The following HTR2C variants were observed in gnomAD, a reference collection of about 807,000 sequenced individuals.
The protein encoded by HTR2C is 5-hydroxytryptamine receptor 2C.
In HTR2C, 5 loss-of-function variants were observed where a neutral mutation model predicts 21.0. That is an observed-to-expected ratio of 0.24 (90% CI 0.12 to 0.50). The LOEUF (loss-of-function observed/expected upper bound fraction) is 0.50, where lower values mean the gene tolerates loss of function less well. HTR2C is among the 20% of genes least tolerant of loss of function. The probability of loss-of-function intolerance (pLI) is 0.98; values close to 1 mark genes in which losing one functional copy is unlikely to be tolerated. For missense variants in HTR2C, 271 were observed against 371.2 expected, an observed-to-expected ratio of 0.73 and a Z score of 2.22; for synonymous variants, 150 against 145.3, an observed-to-expected ratio of 1.03 and a Z score of -0.23.
chrX:114,770,174 A>G (rs1469299413), intron 4 of HTR2C, among the ~76,000 whole-genome samples: 3 of 111,863 alleles, frequency 2.7e-5, no homozygotes, highest in African/African-American at 9.7e-5. Context: ...CTATTTGACT[A>G]TGAAGTATCT....
intron 4 of HTR2C, among the ~76,000 whole-genome samples, chrX:114,764,127 G>C (rs1432390987): frequency 9.0e-6 from 1 of 111,229 alleles, no homozygotes; most frequent in African/African-American, 3.3e-5. Flanking sequence ...GGCTGGGTGC[G>C]GTGGCTCATG....
chrX:114,633,944 A>ATG (rs1929739631), intron 2 of HTR2C, among the ~76,000 whole-genome samples: 1 of 43,179 alleles, frequency 2.3e-5, no homozygotes, highest in East Asian at 1.3e-3. Flanking sequence ...ATATATATAT[A>ATG]TATAGAGAGA....
At chrX:114,740,535 T>A (rs2147355107) in intron 4 of HTR2C, among the ~76,000 whole-genome samples, 1 of 112,080 alleles carries the variant, frequency 8.9e-6, no homozygotes, top group African/African-American at 3.2e-5. Context: ...ATAAGCATTA[T>A]TTGTAATTGC....
chrX:114,641,052 CTTTT>C (rs72424298), intron 2 of HTR2C, among the ~76,000 whole-genome samples: 1 of 44,409 alleles, frequency 2.3e-5, no homozygotes, highest in African/African-American at 7.8e-5. Flanking sequence ...TTCTTTCTTT[CTTTT>C]TTTCTTTTCT....
Position 114,606,059 on chromosome X carries a change from A to G in HTR2C, c.-146-7756A>G, listed in dbSNP as rs782002255. Among the ~76,000 whole-genome samples the G allele has an allele frequency of 2.2e-3, 238 of 109,268 alleles. 1 individual carries two copies. The highest frequency in any genetic ancestry group is 3.9e-3 in the Non-Finnish European group (205 of 52,459). 94.9% of individuals were successfully genotyped at this position (109,268 alleles called of 115,157 possible). ...AAATAAGGGATTGGGGCACAGAGATAAGAGGTTGGGGCACAGAAATAAGGG... is the reference window on the plus strand; with the variant it reads ...AAATAAGGGATTGGGGCACAGAGATGAGAGGTTGGGGCACAGAAATAAGGG... On this transcript the variant is annotated intron_variant, in intron 1 of 5. Coordinates refer to ENST00000276198, the MANE Select transcript of HTR2C (RefSeq NM_000868.4).
At chrX:114,710,300 C>T (rs959716543) in intron 2 of HTR2C, among the ~76,000 whole-genome samples, 2 of 111,310 alleles carry the variant, frequency 1.8e-5, no homozygotes. Context: ...CTTGGATGGT[C>T]TTCAAGTACC....
intron 4 of HTR2C, among the ~76,000 whole-genome samples, chrX:114,839,535 A>T (rs1268484964): frequency 9.0e-6 from 1 of 110,773 alleles, no homozygotes; most frequent in East Asian, 2.9e-4. Flanking sequence ...AAAAATACAA[A>T]AATTAGCCAG....
At chrX:114,712,755 T>C (rs1932910160) in intron 2 of HTR2C, among the ~76,000 whole-genome samples, 1 of 111,829 alleles carries the variant, frequency 8.9e-6, no homozygotes, top group Non-Finnish European at 1.9e-5. Flanking sequence ...TAAATTGTTA[T>C]TGGAAATGTG....
intron 5 of HTR2C, among the ~76,000 whole-genome samples, chrX:114,853,188 G>T (rs2147493962): frequency 9.0e-6 from 1 of 111,263 alleles, no homozygotes; most frequent in Non-Finnish European, 1.9e-5. Flanking sequence ...CAGTGCCATT[G>T]CTAAATCAGT....
chrX:114,683,465 A>T (rs781797077), intron 2 of HTR2C, among the ~76,000 whole-genome samples: 62 of 110,638 alleles, frequency 5.6e-4, no homozygotes, highest in African/African-American at 2.0e-3. Flanking sequence ...GGGACTCATC[A>T]TCCATAAAAC....
At chrX:114,809,397 T>TG (rs1305203819) in intron 4 of HTR2C, among the ~76,000 whole-genome samples, 1 of 106,804 alleles carries the variant, frequency 9.4e-6, no homozygotes, top group Admixed American at 1.0e-4. Flanking sequence ...TTGTTGTTTT[T>TG]TTTTTGACAG....
rs1190171908 is a variant in HTR2C at position 114,708,616 on chromosome X, C to A, written c.-79-18242C>A. On this transcript the variant is annotated intron_variant, in intron 2 of 5. Coordinates refer to ENST00000276198, the MANE Select transcript of HTR2C (RefSeq NM_000868.4). Reference sequence around the variant, plus strand: ...GCCAGGAGTTCAAGACCAGCCTAGGCAACATAACAAGACTCTGTAGCTAAA... The same window carrying A: ...GCCAGGAGTTCAAGACCAGCCTAGGAAACATAACAAGACTCTGTAGCTAAA... Among the ~76,000 whole-genome samples the A allele has an allele frequency of 2.7e-5, 3 of 110,326 alleles. No homozygotes were observed. In the East Asian group the frequency reaches 8.6e-4, roughly 32 times the overall value.
At chrX:114,707,879 A>T (rs1175790737) in intron 2 of HTR2C, among the ~76,000 whole-genome samples, 1 of 109,714 alleles carries the variant, frequency 9.1e-6, no homozygotes, top group Non-Finnish European at 1.9e-5. Flanking sequence ...TTACTATATA[A>T]TAGTAAATAG....
intron 4 of HTR2C, among the ~76,000 whole-genome samples, chrX:114,781,210 G>A (rs930571732): frequency 9.0e-6 from 1 of 111,406 alleles, no homozygotes; most frequent in African/African-American, 3.3e-5. Context: ...ACATAGGCTG[G>A]GTTCAGTGGC....
intron 2 of HTR2C, among the ~76,000 whole-genome samples, chrX:114,679,361 C>T (rs893413201): frequency 1.9e-4 from 21 of 110,542 alleles, no homozygotes; most frequent in African/African-American, 6.9e-4. Context: ...TCACTGAAAC[C>T]TCCACCTCCC....
intron 4 of HTR2C, among the ~76,000 whole-genome samples, chrX:114,766,796 C>T (rs1471926606): frequency 2.7e-5 from 3 of 111,213 alleles, no homozygotes; most frequent in Non-Finnish European, 5.7e-5. Context: ...TCAAATAAAA[C>T]CTATCAAAAA....
chrX:114,776,015 T>C (rs1556438667), intron 4 of HTR2C: 10 of 413,365 alleles, frequency 2.4e-5, no homozygotes, highest in Non-Finnish European at 4.3e-5. Context: ...AGCTCTCTTC[T>C]TCTCACTGAT....
intron 2 of HTR2C, among the ~76,000 whole-genome samples, chrX:114,662,287 A>G (rs1169487002): frequency 1.8e-5 from 2 of 111,625 alleles, no homozygotes; most frequent in African/African-American, 6.5e-5. Flanking sequence ...ATAAAATTAC[A>G]TGGTGTTTCT....
intron 2 of HTR2C, among the ~76,000 whole-genome samples, chrX:114,715,891 G>A (rs1932985925): frequency 8.9e-6 from 1 of 112,309 alleles, no homozygotes; most frequent in Non-Finnish European, 1.9e-5. Flanking sequence ...ATTGGAGCAG[G>A]GGCCTGGTTT....
Sources: allele counts gnomAD v4.1 joint callset (sites outside exome capture counted in the v4.1 genomes callset), GRCh38; gene constraint gnomAD v4.1.1; transcripts MANE v1.5; gene names NCBI Gene and HGNC (gene_info 2026-07-23, HGNC 2026-07-21).